The following C19orf47 variants were observed in gnomAD, a reference collection of about 807,000 sequenced individuals.
The protein encoded by C19orf47 is uncharacterized protein C19orf47.
A neutral mutation model predicts 32.3 loss-of-function variants in C19orf47; 18 were observed. The observed-to-expected ratio is 0.56, with a 90% confidence interval of 0.39 to 0.83. C19orf47 has a LOEUF of 0.83. Among genes scored for constraint, C19orf47 ranks in the 40% least tolerant of loss-of-function variants. The probability of loss-of-function intolerance (pLI) is 0.00; values close to 1 mark genes in which losing one functional copy is unlikely to be tolerated. For synonymous variants in C19orf47, 202 were observed against 211.1 expected (o/e 0.96, Z 0.37); for missense variants, 484 against 531.6 (o/e 0.91, Z 0.88).
chr19:40,336,485 C>T, intron 2 of C19orf47, 78 bp from the exon 3 acceptor site: 2 of 1,302,150 alleles, frequency 1.5e-6, no homozygotes, highest in Non-Finnish European at 2.2e-6. Context: ...ATCACAGCAG[C>T]TCCCACAAAT....
At chr19:40,328,655 G>C (rs749563573) in intron 5 of C19orf47, 105 bp from the exon 6 acceptor site, 12 of 1,411,662 alleles carry the variant, frequency 8.5e-6, no homozygotes, top group Non-Finnish European at 1.1e-5. Context: ...GAGACTGAAT[G>C]AGAAGGTCAG....
At chr19:40,343,129 A>C (rs1484208497) in intron 1 of C19orf47, among the ~76,000 whole-genome samples, 1 of 152,022 alleles carries the variant, frequency 6.6e-6, no homozygotes, top group Non-Finnish European at 1.5e-5. Context: ...CTTCCTTCCT[A>C]CTTAGCCCTC....
chr19:40,338,266 T>TACACACACACACAC (rs35520400), intron 2 of C19orf47, among the ~76,000 whole-genome samples: 11 of 143,546 alleles, frequency 7.7e-5, no homozygotes, highest in African/African-American at 2.8e-4. Context: ...TACATATATA[T>TACACACACACACAC]ACACACACAC....
chr19:40,322,448 C>T, intron 8 of C19orf47, 72 bp from the exon 9 acceptor site: 15 of 1,460,790 alleles, frequency 1.0e-5, no homozygotes, highest in Non-Finnish European at 1.4e-5. Context: ...GCTGCTTCCT[C>T]TGTGCCTGGC....
downstream of C19orf47, among the ~76,000 whole-genome samples, chr19:40,315,385 C>T (rs549028840): frequency 4.6e-5 from 7 of 152,272 alleles, no homozygotes; most frequent in African/African-American, 1.7e-4. Flanking sequence ...GTGGCTCATG[C>T]CTGTAATCCC....
chr19:40,301,317 A>T, the C19orf47 span, among the ~76,000 whole-genome samples: 15 of 136,978 alleles, frequency 1.1e-4, no homozygotes, highest in African/African-American at 4.2e-4. Context: ...AGAGGCTTTT[A>T]TTTATTTATT....
intron 1 of C19orf47, 103 bp from the exon 2 acceptor site, chr19:40,341,993 C>A: frequency 6.6e-7 from 1 of 1,520,316 alleles, no homozygotes; most frequent in South Asian, 1.2e-5. Context: ...TGTTCCTGGG[C>A]TAGGGGCTCA....
At chr19:40,297,975 G>C in the C19orf47 span, among the ~76,000 whole-genome samples, 1 of 151,588 alleles carries the variant, frequency 6.6e-6, no homozygotes, top group South Asian at 2.1e-4. Context: ...CAGAGGCAGA[G>C]GCTGCAGTGA....
At chr19:40,308,655 G>C in the C19orf47 span, among the ~76,000 whole-genome samples, 1 of 151,270 alleles carries the variant, frequency 6.6e-6, no homozygotes, top group African/African-American at 2.4e-5. Flanking sequence ...GTAAAGACAA[G>C]TTTTCGCCAT....
At chr19:40,293,318 A>G in the C19orf47 span, among the ~76,000 whole-genome samples, 3 of 149,880 alleles carry the variant, frequency 2.0e-5, no homozygotes, top group Admixed American at 2.0e-4. Flanking sequence ...GCCAATTTTT[A>G]TATTTTTAGT....
At chr19:40,297,034 T>C in the C19orf47 span, among the ~76,000 whole-genome samples, 1 of 152,216 alleles carries the variant, frequency 6.6e-6, no homozygotes, top group African/African-American at 2.4e-5. Flanking sequence ...GATGACTGTA[T>C]GCCTAAAACT....
the C19orf47 span, among the ~76,000 whole-genome samples, chr19:40,301,254 A>G: frequency 6.6e-6 from 1 of 152,006 alleles, no homozygotes; most frequent in African/African-American, 2.4e-5. Flanking sequence ...TACCTACAGT[A>G]TTATAGTGCC....
chr19:40,325,606 T>C (rs1277489606), intron 7 of C19orf47, among the ~76,000 whole-genome samples: 1 of 152,038 alleles, frequency 6.6e-6, no homozygotes, highest in Admixed American at 6.6e-5. Flanking sequence ...CCAGCCTGGG[T>C]GATGAAGTGA....
chr19:40,322,292 A>C lies in C19orf47; in HGVS notation c.748T>G (p.Ser250Ala). The C allele has an allele frequency of 6.2e-7, 1 of 1,608,842 alleles. No individual in the cohort carries two copies. The highest frequency in any genetic ancestry group is 8.5e-7 in the Non-Finnish European group (1 of 1,179,432). ...AGGACCCCGGCATACTGCAAGACAG[A>C]GCTGCTGCTGTCATTGTCGCTGTCC... ...AWDSDNDSSSSVLQYAGVLKK... is the reference protein window; with the variant it reads ...AWDSDNDSSSAVLQYAGVLKK... The change falls in exon 9 of 9, where the codon TCT (serine) becomes GCT (alanine). Residue 250 changes from serine to alanine, a missense_variant. Around this residue, in one of 3 missense-constraint regions of C19orf47, gnomAD observed 376 missense variants for 370.2 expected, o/e 1.02. Transcript: ENST00000683109.
chr19:40,308,380 C>T, the C19orf47 span, among the ~76,000 whole-genome samples: 1 of 151,868 alleles, frequency 6.6e-6, no homozygotes, highest in East Asian at 1.9e-4. Flanking sequence ...TGGTCTCGCT[C>T]TCCTGACCTG....
intron 5 of C19orf47, among the ~76,000 whole-genome samples, chr19:40,329,536 C>A (rs1568612513): frequency 6.6e-6 from 1 of 151,932 alleles, no homozygotes. Context: ...AAGAAAACTA[C>A]ATTAAACCAT....
At chr19:40,345,772 G>T (rs59677037) in intron 1 of C19orf47, among the ~76,000 whole-genome samples, 3 of 15,232 alleles carry the variant, frequency 2.0e-4, no homozygotes, top group East Asian at 1.9e-3. Context: ...AACCCGGGGC[G>T]GGGGGGGGAG....
chr19:40,322,491 T>A (rs1051346950), intron 8 of C19orf47, 115 bp from the exon 9 acceptor site: 23 of 1,252,150 alleles, frequency 1.8e-5, no homozygotes, highest in Non-Finnish European at 2.1e-5. Context: ...GAAACACCCA[T>A]CACTGACACC....
At chr19:40,310,444 A>G in the C19orf47 span, among the ~76,000 whole-genome samples, 1 of 152,102 alleles carries the variant, frequency 6.6e-6, no homozygotes. Flanking sequence ...ACACCCCGCT[A>G]ATTTTTGTAT....
Sources: allele counts gnomAD v4.1 joint callset (sites outside exome capture counted in the v4.1 genomes callset), GRCh38; gene constraint gnomAD v4.1.1; regional missense constraint gnomAD v4.1.1; transcripts MANE v1.5; gene names NCBI Gene and HGNC (gene_info 2026-07-23, HGNC 2026-07-21).